Variants in NPAS3 observed in about 807,000 individuals in gnomAD.
NPAS3 encodes neuronal PAS domain-containing protein 3.
NPAS3 carries 14 observed loss-of-function variants against 73.1 expected under a neutral mutation model. The ratio of observed to expected loss-of-function variants is 0.19; its 90% CI spans 0.13 to 0.30. The LOEUF (loss-of-function observed/expected upper bound fraction) is 0.30. Ranked by LOEUF, NPAS3 falls within the 10% of genes least tolerant of loss-of-function variation. NPAS3 has a pLI of 1.00. For synonymous variants in NPAS3, 620 were observed against 541.5 expected (o/e 1.14, Z -2.01); for missense variants, 1,096 against 1,250.0 (o/e 0.88, Z 1.86).
chr14:33,645,203 G>A (rs1249938275), intron 5 of NPAS3, among the ~76,000 whole-genome samples: 2 of 152,120 alleles, frequency 1.3e-5, no homozygotes, highest in Non-Finnish European at 2.9e-5. Context: ...GATTTCTAAG[G>A]GCAGTTGTTC....
At chr14:33,299,926 A>T (rs1454527920) in intron 3 of NPAS3, among the ~76,000 whole-genome samples, 1 of 152,260 alleles carries the variant, frequency 6.6e-6, no homozygotes. Flanking sequence ...ATGCAAAGAT[A>T]TGATTTAATT....
At chr14:33,351,089 G>C (rs142520277) in intron 3 of NPAS3, among the ~76,000 whole-genome samples, 274 of 152,268 alleles carry the variant, frequency 1.8e-3, no homozygotes, top group African/African-American at 6.2e-3. Context: ...TGGAGGCTTT[G>C]TTAAAAGCCT....
intron 3 of NPAS3, among the ~76,000 whole-genome samples, chr14:33,294,175 C>T (rs1005595604): frequency 9.2e-5 from 14 of 152,150 alleles, no homozygotes; most frequent in East Asian, 1.9e-4. Flanking sequence ...ATAGCCTAGA[C>T]GTATTACCTT....
At chr14:33,063,071 A>G (rs1000553540) in intron 2 of NPAS3, among the ~76,000 whole-genome samples, 1 of 152,170 alleles carries the variant, frequency 6.6e-6, no homozygotes, top group Non-Finnish European at 1.5e-5. Flanking sequence ...TAGCCCCACA[A>G]TTATCTGTTA....
At chr14:33,734,881 G>C (rs1376616906) in intron 6 of NPAS3, among the ~76,000 whole-genome samples, 2 of 152,052 alleles carry the variant, frequency 1.3e-5, no homozygotes, top group African/African-American at 4.8e-5. Context: ...ACGGGTCCTT[G>C]TCTTTCATGA....
chr14:33,466,766 C>A (rs949858749), intron 4 of NPAS3, among the ~76,000 whole-genome samples: 9 of 152,062 alleles, frequency 5.9e-5, no homozygotes, highest in Admixed American at 2.6e-4. Flanking sequence ...CACTTTTAAA[C>A]AACCAGATCT....
chr14:33,195,058 T>C (rs1359617099), intron 2 of NPAS3, among the ~76,000 whole-genome samples: 1 of 143,010 alleles, frequency 7.0e-6, no homozygotes, highest in Admixed American at 7.5e-5. Context: ...ATTGATTGAT[T>C]TGGATTTAGC....
rs189282709 is a variant in NPAS3, at chr14:33,314,299, C to T, written c.386-52887C>T. Among the ~76,000 whole-genome samples, 109 of 151,862 alleles carry T rather than the reference C, an allele frequency of 7.2e-4. No individual in the cohort carries two copies. The East Asian group carries it at 0.01, about 14-fold the overall frequency. ...TTACTAATTAACTTTATTTTTCCAC[C>T]GTAGAAATAACAAGATTTTCAAATC... On this transcript the variant is annotated intron_variant, in intron 3 of 11. Transcript: ENST00000356141.
At chr14:33,802,393 A>AG (rs1157186092), downstream of NPAS3, 15 of 116,632 alleles carry the variant, frequency 1.3e-4, no homozygotes, top group Middle Eastern at 4.3e-3. Context: ...AAAAAAAAAG[A>AG]AAAAAAAAAG....
chr14:33,134,340 A>T (rs1566595864), intron 2 of NPAS3, among the ~76,000 whole-genome samples: 3 of 152,064 alleles, frequency 2.0e-5, no homozygotes, highest in Admixed American at 6.6e-5. Flanking sequence ...CCTTGATCTC[A>T]GCATGGCTTT....
intron 5 of NPAS3, among the ~76,000 whole-genome samples, chr14:33,588,862 C>T (rs1248969372): frequency 2.6e-5 from 4 of 152,086 alleles, no homozygotes; most frequent in South Asian, 2.1e-4. Flanking sequence ...AGTGATCTAC[C>T]GGCCCACCTC....
chr14:33,294,022 A>G lies in NPAS3; in HGVS notation c.386-73164A>G, dbSNP rs77671318. 2.5e-4 allele frequency among the ~76,000 whole-genome samples: 38 copies of G among 152,294 alleles called. No individual in the cohort carries two copies. The East Asian group carries it at 7.0e-3, about 28-fold the overall frequency. On this transcript the variant is annotated intron_variant, in intron 3 of 11. Coordinates refer to ENST00000356141, the Ensembl canonical transcript of NPAS3. ...TATGTAAGAGGAAGTGCACACAAAT[A>G]ATCACAGGACAAGGCTGAATAAGAT...
chr14:33,639,242 A>G (rs2058610759), intron 5 of NPAS3, among the ~76,000 whole-genome samples: 1 of 152,210 alleles, frequency 6.6e-6, no homozygotes, highest in Non-Finnish European at 1.5e-5. Flanking sequence ...TCAATAAATC[A>G]GCAAAGGTGG....
chr14:33,306,792 G>C lies in NPAS3; in HGVS notation c.386-60394G>C, dbSNP rs148453705. Among the ~76,000 whole-genome samples, 898 of 152,292 alleles carry C rather than the reference G, an allele frequency of 5.9e-3. 6 individuals carry two copies. The highest frequency in any genetic ancestry group is 0.021 in the African/African-American group (852 of 41,554). ...TAATGGAGGTTGTTCATATTGAGAA[G>C]AGAGATAATTTGTGTTTGCCCCTCA... On this transcript the variant is annotated intron_variant, in intron 3 of 11. Coordinates refer to ENST00000356141, the Ensembl canonical transcript of NPAS3.
At chr14:32,975,457 G>A (rs942288122) in intron 1 of NPAS3, among the ~76,000 whole-genome samples, 1 of 152,260 alleles carries the variant, frequency 6.6e-6, no homozygotes. Flanking sequence ...AATAGCATGA[G>A]CCATCACAGA....
chr14:33,475,969 G>T (rs548278149), intron 4 of NPAS3, among the ~76,000 whole-genome samples: 1 of 152,148 alleles, frequency 6.6e-6, no homozygotes, highest in Non-Finnish European at 1.5e-5. Flanking sequence ...CTCACTTCCC[G>T]TTTGATGAGA....
intron 1 of NPAS3, among the ~76,000 whole-genome samples, chr14:33,008,454 A>G (rs1351881017): frequency 6.6e-6 from 1 of 152,220 alleles, no homozygotes; most frequent in Non-Finnish European, 1.5e-5. Flanking sequence ...TACCAACTTG[A>G]TAACAGTGAT....
At chr14:33,755,866 G>A (rs1355257955) in intron 7 of NPAS3, among the ~76,000 whole-genome samples, 2 of 152,108 alleles carry the variant, frequency 1.3e-5, no homozygotes, top group Non-Finnish European at 2.9e-5. Flanking sequence ...GCTGGCAGGT[G>A]CGGTGATGCC....
intron 2 of NPAS3, among the ~76,000 whole-genome samples, chr14:33,176,061 TAG>T (rs1022015629): frequency 6.6e-6 from 1 of 152,188 alleles, no homozygotes; most frequent in African/African-American, 2.4e-5. Flanking sequence ...TAAGAGGAAA[TAG>T]ATAGGTCTTA....
Sources: gnomAD v4.1 joint callset for allele counts (sites outside exome capture counted in the v4.1 genomes callset) on GRCh38, gnomAD v4.1.1 for gene constraint, MANE v1.5 for transcripts, NCBI Gene and HGNC (gene_info 2026-07-23, HGNC 2026-07-21) for gene names.